Variants in PTPRS observed in about 807,000 individuals in gnomAD.
PTPRS encodes the protein receptor-type tyrosine-protein phosphatase S.
In PTPRS, 63 loss-of-function variants were observed where a neutral mutation model predicts 215.3. The observed-to-expected ratio is 0.29, with a 90% CI of 0.24 to 0.36. The LOEUF (loss-of-function observed/expected upper bound fraction) is 0.36. PTPRS is among the 10% of genes least tolerant of loss of function. PTPRS has a pLI of 1.00. For missense variants in PTPRS, 2,258 were observed against 2,825.8 expected (o/e 0.80, Z 4.56); for synonymous variants, 1,404 against 1,191.4 (o/e 1.18, Z -3.68).
At chr19:5,325,600 C>T (rs897322936) in intron 1 of PTPRS, among the ~76,000 whole-genome samples, 10 of 152,240 alleles carry the variant, frequency 6.6e-5, no homozygotes, top group African/African-American at 2.2e-4. Context: ...GCAGTGGCCA[C>T]GACCCAAGCA....
At chr19:5,306,620 C>T (rs1010103534) in intron 1 of PTPRS, among the ~76,000 whole-genome samples, 23 of 152,292 alleles carry the variant, frequency 1.5e-4, no homozygotes, top group Admixed American at 1.1e-3. Flanking sequence ...GTGGACACTT[C>T]GGTTGCCTCC....
intron 9 of PTPRS, among the ~76,000 whole-genome samples, chr19:5,251,338 G>A (rs1189027403): frequency 6.6e-6 from 1 of 151,666 alleles, no homozygotes; most frequent in African/African-American, 2.4e-5. Flanking sequence ...AGGCCCGGAG[G>A]GACCTGGCTG....
Position 5,287,243 on chromosome 19 carries a change from A to G in PTPRS, c.-94-1009T>C, listed in dbSNP as rs1041409961. 5.3e-5 allele frequency among the ~76,000 whole-genome samples: 8 copies of G among 152,146 alleles called. No homozygotes were observed. Among genetic ancestry groups the G allele is most frequent in the Non-Finnish European group, 1.0e-4 (7 of 68,024 alleles). Reference sequence around the variant, plus strand: ...TCAGCTTAGCTGTCACTTCCTCAGGAAACCCTTCTCTGCCCCTCAAAGGTC... The same window carrying G: ...TCAGCTTAGCTGTCACTTCCTCAGGGAACCCTTCTCTGCCCCTCAAAGGTC... On this transcript the variant is annotated intron_variant, in intron 1 of 37. Transcript: ENST00000262963. This position sits in a 1 kb window ranked among gnomAD's most constrained non-coding sequence, Gnocchi z 4.8.
chr19:5,317,114 C>T (rs541219664), intron 1 of PTPRS, among the ~76,000 whole-genome samples: 11 of 152,316 alleles, frequency 7.2e-5, no homozygotes, highest in Non-Finnish European at 1.3e-4. Flanking sequence ...AAGAACCACT[C>T]TACCCAAAAC....
intron 7 of PTPRS, among the ~76,000 whole-genome samples, chr19:5,259,239 A>G (rs577323865): frequency 2.0e-5 from 3 of 152,242 alleles, no homozygotes; most frequent in Non-Finnish European, 4.4e-5. Context: ...TGAGTAGATG[A>G]AAATAGGACT....
intron 35 of PTPRS, among the ~76,000 whole-genome samples, chr19:5,208,632 GC>G (rs962718393): frequency 3.3e-5 from 5 of 151,876 alleles, no homozygotes; most frequent in Admixed American, 6.6e-5. Flanking sequence ...ACAGGCATGA[GC>G]CACCAGGCCC....
chr19:5,308,669 G>A (rs1340689242), intron 1 of PTPRS, among the ~76,000 whole-genome samples: 1 of 152,188 alleles, frequency 6.6e-6, no homozygotes, highest in Non-Finnish European at 1.5e-5. Context: ...AAGAGAGCAG[G>A]GTGGGCAGGG....
In PTPRS at chr19:5,287,540, T is replaced by C. The variant is rs2048444273; in HGVS notation, c.-94-1306A>G. Among the ~76,000 whole-genome samples the C allele has an allele frequency of 6.6e-6, 1 of 152,118 alleles. No homozygotes were observed. ...GGGAGAGGCCCAAGGATAAGATCTT[T>C]GTTGCCTAGTCAGGCTGGCACCCAT... is the stretch of plus-strand genomic sequence containing the variant. On this transcript the variant is annotated intron_variant, in intron 1 of 37. Transcript: ENST00000262963. This position sits in a 1 kb window ranked among gnomAD's most constrained non-coding sequence, Gnocchi z 4.8.
intron 1 of PTPRS, among the ~76,000 whole-genome samples, chr19:5,331,141 A>AAAAAG (rs2050313823): frequency 6.6e-6 from 1 of 150,662 alleles, no homozygotes; most frequent in Non-Finnish European, 1.5e-5. Flanking sequence ...AAAAAAAAAA[A>AAAAAG]AAAAAAAAAG....
chr19:5,210,879 A>G lies in PTPRS; in HGVS notation c.5235-74T>C. 1 of 1,555,226 alleles carries G rather than the reference A, an allele frequency of 6.4e-7. No homozygotes were observed. Among genetic ancestry groups the G allele is most frequent in the East Asian group, 2.3e-5 (1 of 44,104 alleles). ...TGGTACTCACCTGATGCTGCCCGGGAGGGTCAGGACCAAGCCAGTGACAGC... is the reference window on the plus strand; with the variant it reads ...TGGTACTCACCTGATGCTGCCCGGGGGGGTCAGGACCAAGCCAGTGACAGC... On this transcript the variant is annotated intron_variant, in intron 33 of 37. Transcript: ENST00000262963. The surrounding 1 kb of genome is among the most constrained non-coding windows in gnomAD (Gnocchi z 4.5).
At chr19:5,277,750 T>C in intron 2 of PTPRS, 8 of 689,728 alleles carry the variant, frequency 1.2e-5, no homozygotes, top group Non-Finnish European at 2.1e-5. Flanking sequence ...GCCCTCAGAC[T>C]CCTCATGAAG....
intron 4 of PTPRS, among the ~76,000 whole-genome samples, chr19:5,267,571 C>T (rs755568027): frequency 4.7e-4 from 71 of 151,298 alleles, no homozygotes; most frequent in Non-Finnish European, 9.0e-4. Context: ...GCAGAAGAAT[C>T]GCTTAAACCC....
intron 1 of PTPRS, among the ~76,000 whole-genome samples, chr19:5,316,700 C>T (rs1200982716): frequency 2.0e-5 from 3 of 151,768 alleles, no homozygotes; most frequent in South Asian, 2.1e-4. Context: ...GCCTAATTTT[C>T]GTATTTTTAA....
At chr19:5,283,783 C>T (rs2048082252) in intron 2 of PTPRS, among the ~76,000 whole-genome samples, 1 of 152,094 alleles carries the variant, frequency 6.6e-6, no homozygotes, top group African/African-American at 2.4e-5. Flanking sequence ...GTTCAAATGG[C>T]CACTTCTGGT....
chr19:5,224,195 C>T (rs1362433480), intron 17 of PTPRS, among the ~76,000 whole-genome samples: 1 of 118,440 alleles, frequency 8.4e-6, no homozygotes, highest in Non-Finnish European at 1.8e-5. Context: ...AAAAGTAGGT[C>T]TCAAGAAAGC....
rs577521862 is a variant in PTPRS at position 5,307,750 on chromosome 19, A to G, written c.-94-21516T>C. Among the ~76,000 whole-genome samples, 14 of 152,372 alleles carry G rather than the reference A, an allele frequency of 9.2e-5. No individual in the cohort carries two copies. In the South Asian group the frequency reaches 2.9e-3, roughly 32 times the overall value. ...GCACTGGACACATTTCAAACGCTCA[A>G]TAGCCACATTCGGCTCAGGGCGACT... On this transcript the variant is annotated intron_variant, in intron 1 of 37. Coordinates refer to ENST00000262963, the MANE Select transcript of PTPRS (RefSeq NM_002850.4).
Position 5,229,625 on chromosome 19 carries a change from C to G in PTPRS, c.2215G>C (p.Val739Leu). Reference sequence around the variant, plus strand: ...CCGGGCGCGGGCGAGCGCCACAGCACGCGGATGGCCGTGGCGTTGAGCGCC... The same window carrying G: ...CCGGGCGCGGGCGAGCGCCACAGCAGGCGGATGGCCGTGGCGTTGAGCGCC... ...AEALNATAIRVLWRSPAPGRQ... is the reference protein window; with the variant it reads ...AEALNATAIRLLWRSPAPGRQ... Residue 739 changes from valine to leucine, a missense_variant, in exon 15 of 38, where the codon GTG (valine) becomes CTG (leucine). Val to Leu is a conservative substitution (Grantham distance 32). This residue lies in a region of PTPRS where 371 missense variants were observed against 446.7 expected (regional missense o/e 0.83). Coordinates refer to ENST00000262963, the MANE Select transcript of PTPRS (RefSeq NM_002850.4). 1 of 1,383,742 alleles carries G rather than the reference C, an allele frequency of 7.2e-7. No individual in the cohort carries two copies. The highest frequency in any genetic ancestry group is 9.3e-7 in the Non-Finnish European group (1 of 1,072,388). 85.7% of individuals were successfully genotyped at this position (1,383,742 alleles called of 1,614,324 possible). A position where few individuals can be genotyped will look rare whatever the true frequency, so the allele number is the denominator to read the frequency against.
In PTPRS at chr19:5,206,745, T is replaced by C. The variant is rs544751199; in HGVS notation, c.*29A>G. ...GAGGGGCAGAGGCATCCGGGGCCAG[T>C]GGTGTCGGGCCTGGGGGGAACCATG... On this transcript the variant is annotated 3_prime_UTR_variant, in exon 38 of 38. Coordinates refer to ENST00000262963, the MANE Select transcript of PTPRS (RefSeq NM_002850.4). 1.2e-6 allele frequency: 2 copies of C among 1,604,922 alleles called. No homozygotes were observed. The highest frequency in any genetic ancestry group is 1.1e-5 in the South Asian group (1 of 90,902).
In PTPRS at chr19:5,246,897, G is replaced by GAC. The variant is rs1408824033; in HGVS notation, c.719-853_719-852insGT. ...TGCAAAATAGATTGAGAGAGAGAGA[G>GAC]AGAGAGAAAGAGAGAGCGAGCGAGA... is the stretch of plus-strand genomic sequence containing the variant. On this transcript the variant is annotated intron_variant, in intron 9 of 37. Transcript: ENST00000262963. Among the ~76,000 whole-genome samples, 3 of 152,038 alleles carry GAC rather than the reference G, an allele frequency of 2.0e-5. No individual in the cohort carries two copies. In the East Asian group the frequency reaches 5.8e-4, roughly 30 times the overall value.
Sources: gnomAD v4.1 joint callset for allele counts (sites outside exome capture counted in the v4.1 genomes callset) on GRCh38, gnomAD v4.1.1 for gene constraint, gnomAD v4.1.1 regional missense constraint, Gnocchi (gnomAD v3.1) non-coding constraint, MANE v1.5 for transcripts, NCBI Gene and HGNC (gene_info 2026-07-23, HGNC 2026-07-21) for gene names.